Variants in GPHN observed in about 807,000 individuals in gnomAD.
GPHN encodes the protein gephyrin.
Under a neutral mutation model 95.5 loss-of-function variants are expected in GPHN, and 17 were observed. That is an observed-to-expected ratio of 0.18 (90% CI 0.12 to 0.27). GPHN has a LOEUF of 0.27. Among genes scored for constraint, GPHN ranks in the 10% least tolerant of loss-of-function variants. GPHN has a pLI of 1.00. For synonymous variants in GPHN, 320 were observed against 322.5 expected (o/e 0.99, Z 0.08); for missense variants, 660 against 978.1 (o/e 0.67, Z 4.34).
At chr14:67,729,149 TC>T in the GPHN span, 1 of 1,599,254 alleles carries the variant, frequency 6.3e-7, no homozygotes, top group Non-Finnish European at 8.6e-7. Context: ...TTTCCTGGGC[TC>T]AGAGTGTGTC....
chr14:67,278,721 G>C, the GPHN span, among the ~76,000 whole-genome samples: 46 of 152,226 alleles, frequency 3.0e-4, no homozygotes, highest in South Asian at 8.1e-3. Context: ...TACCAAACTA[G>C]TACCCCAAAC....
chr14:66,873,168 A>G (rs1429543725), intron 4 of GPHN, among the ~76,000 whole-genome samples: 1 of 152,174 alleles, frequency 6.6e-6, no homozygotes, highest in Non-Finnish European at 1.5e-5. Context: ...CACAGGAAGC[A>G]CTAGGGATCA....
chr14:67,590,304 G>C, the GPHN span: 2 of 626,628 alleles, frequency 3.2e-6, no homozygotes, highest in African/African-American at 3.9e-5. Context: ...CCAGGCTGGA[G>C]TGCAGTGGCG....
the GPHN span, among the ~76,000 whole-genome samples, chr14:67,509,044 A>C: frequency 0.041 from 6,261 of 152,274 alleles, 171 homozygotes; most frequent in Non-Finnish European, 0.062. Context: ...TTCTATGACT[A>C]GTGGCAGTAG....
intron 4 of GPHN, among the ~76,000 whole-genome samples, chr14:66,857,188 G>T (rs548004067): frequency 2.0e-5 from 3 of 152,064 alleles, no homozygotes; most frequent in East Asian, 1.9e-4. Context: ...TATGAGAAAA[G>T]ATATGAAGAA....
intron 9 of GPHN, among the ~76,000 whole-genome samples, chr14:67,002,309 CTTTTTT>C (rs1177817698): frequency 6.8e-5 from 4 of 58,766 alleles, no homozygotes; most frequent in Middle Eastern, 0.016. Flanking sequence ...CTTTGTGTTG[CTTTTTT>C]TTTTTTTTTT....
intron 4 of GPHN, among the ~76,000 whole-genome samples, chr14:66,840,235 C>T (rs986970876): frequency 3.3e-5 from 5 of 151,926 alleles, no homozygotes; most frequent in Admixed American, 2.6e-4. Context: ...GCCAAGATTG[C>T]GCCACTGCAC....
the GPHN span, chr14:67,577,452 C>T: frequency 8.0e-7 from 1 of 1,255,932 alleles, no homozygotes; most frequent in Non-Finnish European, 1.1e-6. Flanking sequence ...CGCTGGGATA[C>T]TTGCAATACT....
chr14:67,507,055 C>T, the GPHN span, among the ~76,000 whole-genome samples: 1 of 152,032 alleles, frequency 6.6e-6, no homozygotes, highest in African/African-American at 2.4e-5. Flanking sequence ...AGCCATAGCC[C>T]AATTCCATGA....
the GPHN span, among the ~76,000 whole-genome samples, chr14:67,266,642 T>C: frequency 6.6e-6 from 1 of 152,142 alleles, no homozygotes; most frequent in East Asian, 1.9e-4. Flanking sequence ...TTTCAGTTTT[T>C]ACTTGTATTT....
chr14:67,349,764 A>G, the GPHN span, among the ~76,000 whole-genome samples: 3 of 152,202 alleles, frequency 2.0e-5, no homozygotes, highest in African/African-American at 7.2e-5. Context: ...AAACACTCAC[A>G]TACCACTTAT....
chr14:67,693,755 C>G, the GPHN span, among the ~76,000 whole-genome samples: 1 of 151,516 alleles, frequency 6.6e-6, no homozygotes, highest in African/African-American at 2.4e-5. Flanking sequence ...CAACCCCCAT[C>G]TCCCAGGTTC....
the GPHN span, among the ~76,000 whole-genome samples, chr14:67,551,901 T>C: frequency 6.6e-6 from 1 of 152,208 alleles, no homozygotes; most frequent in South Asian, 2.1e-4. Context: ...GTTGAACCCT[T>C]TTCTCAAAGG....
chr14:66,762,518 T>G (rs1164576351), intron 2 of GPHN, among the ~76,000 whole-genome samples: 1 of 149,300 alleles, frequency 6.7e-6, no homozygotes, highest in Non-Finnish European at 1.5e-5. Context: ...GAAAATTTAA[T>G]TCTAAGAAAT....
At chr14:67,518,798 A>C in the GPHN span, among the ~76,000 whole-genome samples, 1 of 152,156 alleles carries the variant, frequency 6.6e-6, no homozygotes. Context: ...CTCTGACCAC[A>C]AGTTAGGAGA....
chr14:66,719,653 C>T (rs912805165), intron 2 of GPHN, among the ~76,000 whole-genome samples: 8 of 152,276 alleles, frequency 5.3e-5, no homozygotes, highest in African/African-American at 1.9e-4. Context: ...AGTCCTGCCT[C>T]CCATCCACCA....
the GPHN span, chr14:67,454,317 T>C: frequency 3.3e-5 from 5 of 152,268 alleles, no homozygotes; most frequent in African/African-American, 9.6e-5. Flanking sequence ...TATGCAGTTT[T>C]ACCTGTTGAA....
rs754619131 is a variant in GPHN, at chr14:66,966,024, C to T, written c.963+699C>T. ...CTACTTTCTCCTGGAATGCTCCTTG[C>T]CTGATTAAGTTAGTCATTTGTGCTT... On this transcript the variant is annotated intron_variant, in intron 9 of 22. Coordinates refer to ENST00000478722, the MANE Select transcript of GPHN (RefSeq NM_020806.5). Among the ~76,000 whole-genome samples the T allele has an allele frequency of 3.9e-4, 60 of 152,060 alleles. 2 individuals carry two copies. Among genetic ancestry groups the T allele is most frequent in the Non-Finnish European group, 8.4e-4 (57 of 67,990 alleles).
chr14:66,979,749 G>A (rs1272688637), intron 9 of GPHN, among the ~76,000 whole-genome samples: 3 of 152,172 alleles, frequency 2.0e-5, no homozygotes, highest in Admixed American at 2.0e-4. Flanking sequence ...GACACAAGTA[G>A]CCTAGCTTTC....
Sources: allele counts gnomAD v4.1 joint callset (sites outside exome capture counted in the v4.1 genomes callset), GRCh38; gene constraint gnomAD v4.1.1; transcripts MANE v1.5; gene names NCBI Gene and HGNC (gene_info 2026-07-23, HGNC 2026-07-21).